The following PDZD9 variants were observed in gnomAD, a reference collection of about 807,000 sequenced individuals.
PDZD9 encodes the protein PDZ domain-containing protein 9.
PDZD9 carries 13 observed loss-of-function variants against 16.3 expected under a neutral mutation model. The observed-to-expected ratio is 0.80, with a 90% CI of 0.52 to 1.27. PDZD9 has a LOEUF of 1.27. Ranked by LOEUF, PDZD9 falls within the 50% of genes most tolerant of loss-of-function variation. The probability of loss-of-function intolerance (pLI) is 0.00; values close to 1 mark genes in which losing one functional copy is unlikely to be tolerated. For synonymous variants in PDZD9, 120 were observed against 111.0 expected (o/e 1.08, Z -0.51); for missense variants, 288 against 310.9 (o/e 0.93, Z 0.55).
the PDZD9 span, among the ~76,000 whole-genome samples, chr16:21,963,423 AT>A: frequency 6.6e-6 from 1 of 152,064 alleles, no homozygotes; most frequent in Non-Finnish European, 1.5e-5. Context: ...TGTTTGTAAG[AT>A]CCTAGAAGTT....
At chr16:21,968,583 A>C in the PDZD9 span, 1 of 1,513,674 alleles carries the variant, frequency 6.6e-7, no homozygotes, top group Non-Finnish European at 8.9e-7. Context: ...ACAGCTTTTT[A>C]TATTTATGCT....
At chr16:21,977,956 C>T in the PDZD9 span, among the ~76,000 whole-genome samples, 4 of 152,042 alleles carry the variant, frequency 2.6e-5, no homozygotes, top group Non-Finnish European at 5.9e-5. Flanking sequence ...TTGATTGTAC[C>T]AGAAACAAAA....
chr16:21,961,655 T>A, the PDZD9 span, among the ~76,000 whole-genome samples: 1 of 105,716 alleles, frequency 9.5e-6, no homozygotes, highest in East Asian at 2.3e-4. Flanking sequence ...TATATATATA[T>A]ATATATATAT....
chr16:21,981,291 G>A (rs1898721017), downstream of PDZD9, among the ~76,000 whole-genome samples: 1 of 151,782 alleles, frequency 6.6e-6, no homozygotes, highest in Non-Finnish European at 1.5e-5. Context: ...GTACTTCTTT[G>A]TGTTCCCTGC....
chr16:21,988,949 G>A (rs1167528938), intron 2 of PDZD9, among the ~76,000 whole-genome samples, 158 bp from the exon 3 acceptor site: 2 of 31,270 alleles, frequency 6.4e-5, no homozygotes. Flanking sequence ...TTTTTTTTTT[G>A]AGATGAAGTC....
downstream of PDZD9, chr16:21,980,736 G>T (rs766623747): frequency 1.2e-6 from 2 of 1,607,660 alleles, no homozygotes; most frequent in South Asian, 2.2e-5. Flanking sequence ...TAACAACAGA[G>T]AACTTAACCT....
At chr16:21,993,839 C>A (rs1286615014) in intron 2 of PDZD9, among the ~76,000 whole-genome samples, 1 of 152,088 alleles carries the variant, frequency 6.6e-6, no homozygotes, top group Admixed American at 6.6e-5. Flanking sequence ...ATTTCTGTAG[C>A]ACTTCAGTTT....
At chr16:21,992,807 A>G (rs1209902356) in intron 2 of PDZD9, among the ~76,000 whole-genome samples, 1 of 152,052 alleles carries the variant, frequency 6.6e-6, no homozygotes, top group East Asian at 1.9e-4. Flanking sequence ...TTGCAGATGG[A>G]GGGGCAGAAC....
downstream of PDZD9, among the ~76,000 whole-genome samples, chr16:21,978,997 A>G (rs1264422059): frequency 6.6e-6 from 1 of 152,242 alleles, no homozygotes; most frequent in African/African-American, 2.4e-5. Context: ...AAGTGAAACG[A>G]TAGCATAAGA....
At position 21,988,625 on chromosome 16, in the gene PDZD9, AG is replaced by A; in HGVS notation, c.377del (p.Pro126LeufsTer7). The A allele has an allele frequency of 6.2e-7, 1 of 1,611,136 alleles. No homozygotes were observed. Among genetic ancestry groups the A allele is most frequent in the Non-Finnish European group, 8.5e-7 (1 of 1,178,810 alleles). Reference protein sequence around the residue: ...EEWQEIYDLIPEAKFPVTSTP... With the variant: ...EEWQEIYDLIXEAKFPVTSTP... ...ACCTTGTTACTGGGAATTTGGCCTC[AG>A]GGATTAAATCATATATTTCTTGCCA... On this transcript the variant is annotated frameshift_variant, in exon 3 of 4. Coordinates refer to ENST00000424898, the MANE Select transcript of PDZD9 (RefSeq NM_001363519.1). LOFTEE classifies it low-confidence loss of function (END_TRUNC).
At chr16:21,964,928 C>T in the PDZD9 span, among the ~76,000 whole-genome samples, 1 of 152,192 alleles carries the variant, frequency 6.6e-6, no homozygotes, top group African/African-American at 2.4e-5. Context: ...GGGAAAGCAC[C>T]AAGCACCACA....
the PDZD9 span, chr16:21,961,459 CTTT>C: frequency 4.2e-6 from 1 of 239,766 alleles, no homozygotes; most frequent in South Asian, 4.2e-5. Flanking sequence ...TTCAAGATTT[CTTT>C]AAGGTATTTT....
intron 1 of PDZD9, among the ~76,000 whole-genome samples, chr16:21,997,810 CA>C (rs2141963936): frequency 6.6e-6 from 1 of 152,288 alleles, no homozygotes; most frequent in Non-Finnish European, 1.5e-5. Context: ...GATCTGTTTT[CA>C]GCACACTTTT....
At chr16:21,983,241 A>C (rs774487682), downstream of PDZD9, 214 of 1,391,646 alleles carry the variant, frequency 1.5e-4, no homozygotes, top group Non-Finnish European at 2.0e-4. Context: ...CATGAAAGTC[A>C]GAAGTCTCTA....
chr16:21,994,701 A>G (rs1469519625), intron 2 of PDZD9, among the ~76,000 whole-genome samples: 5 of 152,230 alleles, frequency 3.3e-5, no homozygotes, highest in African/African-American at 1.2e-4. Flanking sequence ...AATACTGCCT[A>G]CGAAAGAAAA....
chr16:21,962,961 A>AT, the PDZD9 span: 1 of 1,496,384 alleles, frequency 6.7e-7, no homozygotes, highest in Non-Finnish European at 8.9e-7. Context: ...AAGAAAAAAA[A>AT]TTGCTGTCAA....
At chr16:21,958,430 G>GT in the PDZD9 span, 1 of 999,734 alleles carries the variant, frequency 1.0e-6, no homozygotes, top group Non-Finnish European at 1.5e-6. Context: ...CAGGAATTTA[G>GT]TAAAATTCTT....
the PDZD9 span, chr16:21,971,814 C>T: frequency 1.1e-5 from 16 of 1,490,448 alleles, no homozygotes; most frequent in African/African-American, 1.4e-5. Context: ...AAGCACCGAG[C>T]TGCAGAAAAG....
intron 2 of PDZD9, chr16:21,995,290 G>C (rs1899120918): frequency 2.2e-6 from 1 of 455,086 alleles, no homozygotes; most frequent in Non-Finnish European, 4.4e-6. Flanking sequence ...GGCCTCCCCA[G>C]CCATGCTTCC....
Sources: allele counts gnomAD v4.1 joint callset (sites outside exome capture counted in the v4.1 genomes callset), GRCh38; gene constraint gnomAD v4.1.1; transcripts MANE v1.5; gene names NCBI Gene and HGNC (gene_info 2026-07-23, HGNC 2026-07-21).